The following GPC5 variants were observed in gnomAD, a reference collection of about 807,000 sequenced individuals.
The protein encoded by GPC5 is glypican-5.
A neutral mutation model predicts 53.9 loss-of-function variants in GPC5; 47 were observed. The ratio of observed to expected loss-of-function variants is 0.87; its 90% CI spans 0.69 to 1.11. GPC5 has a LOEUF of 1.11. Ranked by LOEUF, GPC5 falls within the 50% of genes most tolerant of loss-of-function variation. The probability of loss-of-function intolerance (pLI) is 0.00; values close to 1 mark genes in which losing one functional copy is unlikely to be tolerated. For missense variants in GPC5, 748 were observed against 713.1 expected (o/e 1.05, Z -0.56); for synonymous variants, 286 against 263.3 (o/e 1.09, Z -0.84).
chr13:92,046,706 G>A (rs2040984677), intron 6 of GPC5, among the ~76,000 whole-genome samples: 1 of 152,120 alleles, frequency 6.6e-6, no homozygotes, highest in South Asian at 2.1e-4. Context: ...AATGTAAAGA[G>A]GTTCTGCTTC....
intron 7 of GPC5, among the ~76,000 whole-genome samples, chr13:92,619,903 C>G (rs983984958): frequency 1.3e-5 from 2 of 151,996 alleles, no homozygotes; most frequent in African/African-American, 4.8e-5. Context: ...TATTGAATCA[C>G]TTGAATACTG....
At chr13:92,608,704 TCTGAGCTGTGTTC>T (rs1373441897) in intron 7 of GPC5, among the ~76,000 whole-genome samples, 3 of 152,192 alleles carry the variant, frequency 2.0e-5, no homozygotes, top group Non-Finnish European at 4.4e-5. Context: ...ATGTGCGGAA[TCTGAGCTGTGTTC>T]CTGCCCGTGA....
intron 7 of GPC5, among the ~76,000 whole-genome samples, chr13:92,757,699 G>A (rs1874952982): frequency 6.6e-6 from 1 of 152,172 alleles, no homozygotes; most frequent in African/African-American, 2.4e-5. Context: ...CTCAAAAGAA[G>A]ACATTTATGC....
At chr13:92,625,293 AG>A (rs1436354591) in intron 7 of GPC5, among the ~76,000 whole-genome samples, 2 of 152,214 alleles carry the variant, frequency 1.3e-5, no homozygotes, top group African/African-American at 4.8e-5. Flanking sequence ...GTCCAGAAAA[AG>A]TATGCATAAT....
intron 7 of GPC5, among the ~76,000 whole-genome samples, chr13:92,403,867 A>G (rs1261867619): frequency 6.6e-6 from 1 of 152,216 alleles, no homozygotes; most frequent in African/African-American, 2.4e-5. Context: ...TCATAGAGCT[A>G]ATAATTTCTT....
At chr13:91,633,341 G>T (rs899016151) in intron 2 of GPC5, among the ~76,000 whole-genome samples, 1 of 152,064 alleles carries the variant, frequency 6.6e-6, no homozygotes, top group Non-Finnish European at 1.5e-5. Flanking sequence ...ATGTCACTGG[G>T]TGTTGTTATG....
chr13:91,975,255 C>A (rs965130182), intron 6 of GPC5, among the ~76,000 whole-genome samples: 204 of 152,128 alleles, frequency 1.3e-3, no homozygotes, highest in African/African-American at 4.7e-3. Context: ...GCAACAAAAG[C>A]CAAAATTGAC....
intron 2 of GPC5, among the ~76,000 whole-genome samples, chr13:91,485,482 T>C (rs1045118177): frequency 6.6e-6 from 1 of 152,202 alleles, no homozygotes; most frequent in Non-Finnish European, 1.5e-5. Context: ...CCTCCCAAAG[T>C]GCTGGGATTA....
At chr13:92,246,997 A>G (rs1286614874) in intron 7 of GPC5, among the ~76,000 whole-genome samples, 1 of 152,072 alleles carries the variant, frequency 6.6e-6, no homozygotes, top group Non-Finnish European at 1.5e-5. Flanking sequence ...GTGCTATGTC[A>G]TGCTTCTCCC....
intron 7 of GPC5, among the ~76,000 whole-genome samples, chr13:92,313,344 C>T (rs2043158052): frequency 6.6e-6 from 1 of 152,112 alleles, no homozygotes; most frequent in Non-Finnish European, 1.5e-5. Flanking sequence ...GAGTAATAGA[C>T]TTTTAAAAAT....
intron 7 of GPC5, among the ~76,000 whole-genome samples, chr13:92,796,137 A>G (rs368614912): frequency 2.6e-5 from 4 of 152,190 alleles, no homozygotes; most frequent in Admixed American, 6.5e-5. Flanking sequence ...GATAGACTGG[A>G]TAAAGAAAAT....
intron 2 of GPC5, among the ~76,000 whole-genome samples, chr13:91,494,196 C>T (rs111335711): frequency 6.6e-6 from 1 of 151,738 alleles, no homozygotes; most frequent in South Asian, 2.1e-4. Flanking sequence ...GGTCTGTTTT[C>T]TTTTCTGTTG....
intron 7 of GPC5, among the ~76,000 whole-genome samples, chr13:92,496,865 C>T (rs181284529): frequency 6.6e-6 from 1 of 152,290 alleles, no homozygotes; most frequent in East Asian, 1.9e-4. Flanking sequence ...AGGTCTCCCA[C>T]AACCTCAATT....
At chr13:92,657,761 A>G (rs1886189696) in intron 7 of GPC5, among the ~76,000 whole-genome samples, 1 of 151,988 alleles carries the variant, frequency 6.6e-6, no homozygotes, top group Admixed American at 6.6e-5. Flanking sequence ...GTCTGCAGAA[A>G]ACAGGAAATG....
rs56703718 is a variant in GPC5, at chr13:92,054,032, CAAATAAATAAATAAAT to C, written c.1402-90771_1402-90756del. On this transcript the variant is annotated intron_variant, in intron 6 of 7. Transcript: ENST00000377067. ...GGGCAAGAAGAGTGAAATTCCATTT[CAAATAAATAAATAAAT>C]AAATAAATAAATAAATAAATAAATA... Among the ~76,000 whole-genome samples the C allele has an allele frequency of 1.0e-3, 148 of 142,568 alleles. 1 individual carries two copies. The highest frequency in any genetic ancestry group is 3.4e-3 in the African/African-American group (132 of 38,714). 93.5% of individuals were successfully genotyped at this position (142,568 alleles called of 152,430 possible).
intron 7 of GPC5, among the ~76,000 whole-genome samples, chr13:92,460,112 C>T (rs1476193220): frequency 1.3e-5 from 2 of 152,134 alleles, no homozygotes; most frequent in East Asian, 3.9e-4. Flanking sequence ...TCTGGATTTT[C>T]ACACAGTCTC....
chr13:92,057,582 T>TA (rs968862557), intron 6 of GPC5, among the ~76,000 whole-genome samples: 2 of 151,696 alleles, frequency 1.3e-5, no homozygotes, highest in African/African-American at 4.8e-5. Context: ...AGGTTTCAAT[T>TA]TTTTTTAATC....
chr13:92,748,337 T>C (rs1420133891), intron 7 of GPC5, among the ~76,000 whole-genome samples: 2 of 148,484 alleles, frequency 1.3e-5, no homozygotes, highest in Non-Finnish European at 3.0e-5. Context: ...TTATTATTAT[T>C]ATTATTATTA....
intron 6 of GPC5, among the ~76,000 whole-genome samples, chr13:92,031,728 A>G (rs1485658093): frequency 2.0e-4 from 14 of 70,774 alleles, no homozygotes; most frequent in African/African-American, 7.1e-4. Context: ...TATGTAATAT[A>G]TTACATATTA....
Sources: allele counts gnomAD v4.1 joint callset (sites outside exome capture counted in the v4.1 genomes callset), GRCh38; gene constraint gnomAD v4.1.1; transcripts MANE v1.5; gene names NCBI Gene and HGNC (gene_info 2026-07-23, HGNC 2026-07-21).